NEDD1: variants seen among roughly 807,000 people sequenced by gnomAD.
The protein encoded by NEDD1 is NEDD1 gamma-tubulin ring complex targeting factor, also known as protein NEDD1.
Under a neutral mutation model 74.0 loss-of-function variants are expected in NEDD1, and 33 were observed. The observed-to-expected ratio is 0.45, with a 90% CI of 0.34 to 0.60. The LOEUF (loss-of-function observed/expected upper bound fraction) is 0.60, where lower values mean the gene tolerates loss of function less well. Among genes scored for constraint, NEDD1 ranks in the 20% least tolerant of loss-of-function variants. The pLI is 0.01. For synonymous variants in NEDD1, 250 were observed against 264.4 expected (o/e 0.95, Z 0.53); for missense variants, 746 against 776.5 (o/e 0.96, Z 0.47).
rs928636482 is a variant in NEDD1, at chr12:96,917,817, A to C, written c.348+80A>C. ...AGTACTTACCAAGCTTTTATTTTTG[A>C]GCTTTTATGATAAAAATAAGAGGCT... On this transcript the variant is annotated intron_variant, in intron 5 of 15. Transcript: ENST00000266742. 17 of 1,411,760 alleles carry C rather than the reference A, an allele frequency of 1.2e-5. No individual in the cohort carries two copies. The African/African-American group carries it at 2.4e-4, about 20-fold the overall frequency. 87.5% of individuals were successfully genotyped at this position (1,411,760 alleles called of 1,614,324 possible). A position where few individuals can be genotyped will look rare whatever the true frequency, so the allele number is the denominator to read the frequency against.
In NEDD1 at chr12:96,936,826, T is replaced by G. The variant is rs1419187162; in HGVS notation, c.921+14T>G. ...GTTCTTACTAAGGTGAGACATTTTC[T>G]TTTCAGCATTTTTTATTTTATTAAA... On this transcript the variant is annotated intron_variant, in intron 8 of 15. Coordinates refer to ENST00000266742, the MANE Select transcript of NEDD1 (RefSeq NM_152905.4). 4 of 1,484,086 alleles carry G rather than the reference T, an allele frequency of 2.7e-6. No individual in the cohort carries two copies. The highest frequency in any genetic ancestry group is 3.7e-6 in the Non-Finnish European group (4 of 1,069,768). 91.9% of individuals were successfully genotyped at this position (1,484,086 alleles called of 1,614,324 possible). A position where few individuals can be genotyped will look rare whatever the true frequency, so the allele number is the denominator to read the frequency against.
rs78114324 is a variant in NEDD1 at position 96,923,214 on chromosome 12, A to G, written c.489+3089A>G. ...TGGAATAGTAGTTCATACTGTATTA[A>G]TTCTGTGTAGTGTTTCCTTATATGA... On this transcript the variant is annotated intron_variant, in intron 6 of 15. Coordinates refer to ENST00000266742, the MANE Select transcript of NEDD1 (RefSeq NM_152905.4). Among the ~76,000 whole-genome samples, 14 of 152,280 alleles carry G rather than the reference A, an allele frequency of 9.2e-5. No homozygotes were observed. The East Asian group carries it at 2.7e-3, about 29-fold the overall frequency.
chr12:96,911,581 T>G (rs1372430610), intron 3 of NEDD1, among the ~76,000 whole-genome samples: 1 of 152,198 alleles, frequency 6.6e-6, no homozygotes, highest in African/African-American at 2.4e-5. Flanking sequence ...GTTTTTTGTT[T>G]CTTGTCCTTT....
chr12:96,911,334 A>T (rs1200217587), intron 3 of NEDD1, among the ~76,000 whole-genome samples: 1 of 152,258 alleles, frequency 6.6e-6, no homozygotes, highest in African/African-American at 2.4e-5. Flanking sequence ...TAGTCTAACA[A>T]CAAAACTGAT....
At chr12:96,942,821 T>C (rs764413399) in intron 11 of NEDD1, among the ~76,000 whole-genome samples, 197 bp downstream of exon 11, 5 of 152,084 alleles carry the variant, frequency 3.3e-5, no homozygotes, top group Non-Finnish European at 7.4e-5. Context: ...TCAATCAGGA[T>C]GTCAACCAGA....
intron 14 of NEDD1, among the ~76,000 whole-genome samples, chr12:96,950,499 G>A (rs1190073072): frequency 6.6e-6 from 1 of 151,710 alleles, no homozygotes; most frequent in Non-Finnish European, 1.5e-5. Flanking sequence ...AATATTAACA[G>A]GAAAATAGAT....
chr12:96,934,889 T>A, intron 6 of NEDD1, 87 bp from the exon 7 acceptor site: 4 of 822,808 alleles, frequency 4.9e-6, no homozygotes, highest in Non-Finnish European at 8.2e-6. Context: ...ATGTGAATAG[T>A]GTGGTTGGCC....
At chr12:96,909,699 A>G (rs972897445) in intron 2 of NEDD1, 53 bp from the exon 3 acceptor site, 3 of 1,441,304 alleles carry the variant, frequency 2.1e-6, no homozygotes, top group Non-Finnish European at 2.9e-6. Flanking sequence ...CCTTTTTTTG[A>G]GTATGTCTAT....
At chr12:96,907,904 A>G (rs1431437876) in intron 2 of NEDD1, 48 bp downstream of exon 2, 3 of 1,304,326 alleles carry the variant, frequency 2.3e-6, no homozygotes, top group Non-Finnish European at 2.9e-6. Context: ...AAGAGCCGAA[A>G]ACAAACATTA....
chr12:96,917,490 C>A, intron 4 of NEDD1, 131 bp from the exon 5 acceptor site: 1 of 1,065,448 alleles, frequency 9.4e-7, no homozygotes, highest in Non-Finnish European at 1.2e-6. Context: ...CTCTTTAGTA[C>A]AAGATTAGCA....
Position 96,915,080 on chromosome 12 carries a change from A to G in NEDD1, c.231+2263A>G, listed in dbSNP as rs114489494. Among the ~76,000 whole-genome samples, 283 of 152,340 alleles carry G rather than the reference A, an allele frequency of 1.9e-3. 1 individual carries two copies. The highest frequency in any genetic ancestry group is 6.5e-3 in the African/African-American group (271 of 41,582). On this transcript the variant is annotated intron_variant, in intron 4 of 15. Transcript: ENST00000266742. ...TTCTAAAGCTTCTTAGTCTCCCTCA[A>G]CTAAAGTCAATTCCTAGAATGGTAT...
intron 4 of NEDD1, among the ~76,000 whole-genome samples, chr12:96,917,320 C>T (rs1259308030): frequency 6.6e-6 from 1 of 152,140 alleles, no homozygotes; most frequent in East Asian, 1.9e-4. Flanking sequence ...GATGGGCAAA[C>T]AAGCCCTGAT....
At chr12:96,933,973 A>G (rs1876819902) in intron 6 of NEDD1, among the ~76,000 whole-genome samples, 1 of 152,162 alleles carries the variant, frequency 6.6e-6, no homozygotes, top group African/African-American at 2.4e-5. Flanking sequence ...GAATATCTCC[A>G]CTACCTGCAG....
intron 14 of NEDD1, among the ~76,000 whole-genome samples, chr12:96,950,026 T>C (rs1878556502): frequency 6.6e-6 from 1 of 151,974 alleles, no homozygotes; most frequent in African/African-American, 2.4e-5. Flanking sequence ...GAACTATTTA[T>C]CACACAATAT....
intron 6 of NEDD1, among the ~76,000 whole-genome samples, chr12:96,933,808 A>G (rs1264716031): frequency 2.0e-5 from 3 of 152,194 alleles, no homozygotes; most frequent in African/African-American, 7.2e-5. Context: ...TAAAGTACTT[A>G]ATTTTCCGCC....
In NEDD1 at chr12:96,951,956, T is replaced by A; in HGVS notation, c.1886T>A (p.Met629Lys). The change falls in exon 16 of 16, where the codon ATG becomes AAG. Residue 629 changes from methionine (M) to lysine (K), a missense_variant. Transcript: ENST00000266742. The stretch of plus-strand genomic sequence containing the variant: ...ATTTTCCTGTTTTTCTAGAATGAAA[T>A]GCATTCTTTGCTGGAAAGATACTCA... ...IKQFHMQLNEMHSLLERYSVN... is the reference protein window; with the variant it reads ...IKQFHMQLNEKHSLLERYSVN... The A allele has an allele frequency of 6.5e-7, 1 of 1,539,514 alleles. No individual in the cohort carries two copies. The highest frequency in any genetic ancestry group is 9.0e-7 in the Non-Finnish European group (1 of 1,114,874).
chr12:96,909,940 C>T (rs781776318), intron 3 of NEDD1, 45 bp downstream of exon 3: 26 of 1,558,680 alleles, frequency 1.7e-5, no homozygotes, highest in Non-Finnish European at 2.2e-5. Flanking sequence ...ACACAAACCG[C>T]TTATTAGGTT....
Position 96,907,701 on chromosome 12 carries a change from G to C in NEDD1, c.-164G>C, listed in dbSNP as rs918284221. The C allele has an allele frequency of 6.4e-7, 1 of 1,550,984 alleles. No individual in the cohort carries two copies. The highest frequency in any genetic ancestry group is 1.4e-5 in the African/African-American group (1 of 73,040). ...TGAAAGTTGGAGAACTTTCATTTCAGCTGAGTGGTGTAGTTGAATTGGTTC... is the reference window on the plus strand; with the variant it reads ...TGAAAGTTGGAGAACTTTCATTTCACCTGAGTGGTGTAGTTGAATTGGTTC... On this transcript the variant is annotated 5_prime_UTR_variant, in exon 2 of 16. Transcript: ENST00000266742.
At chr12:96,925,904 C>A (rs1875636949) in intron 6 of NEDD1, among the ~76,000 whole-genome samples, 1 of 152,118 alleles carries the variant, frequency 6.6e-6, no homozygotes, top group Admixed American at 6.5e-5. Flanking sequence ...CGTGGTAAGT[C>A]CCACATTTAT....
Sources: gnomAD v4.1 joint callset for allele counts (sites outside exome capture counted in the v4.1 genomes callset) on GRCh38, gnomAD v4.1.1 for gene constraint, MANE v1.5 for transcripts, NCBI Gene and HGNC (gene_info 2026-07-23, HGNC 2026-07-21) for gene names.